Variants in DZANK1 observed in about 807,000 individuals in gnomAD.
DZANK1 encodes double zinc ribbon and ankyrin repeat domains 1.
DZANK1 carries 91 observed loss-of-function variants against 94.5 expected under a neutral mutation model. That is an observed-to-expected ratio of 0.96 (90% CI 0.81 to 1.15). DZANK1 has a LOEUF of 1.15. Ranked by LOEUF, DZANK1 falls within the 50% of genes most tolerant of loss-of-function variation. DZANK1 has a pLI of 0.00. For missense variants in DZANK1, 903 were observed against 916.4 expected (o/e 0.99, Z 0.19); for synonymous variants, 312 against 325.3 (o/e 0.96, Z 0.44).
At chr20:18,414,667 G>A (rs1390864041) in intron 11 of DZANK1, among the ~76,000 whole-genome samples, 155 bp from the exon 12 acceptor site, 1 of 152,192 alleles carries the variant, frequency 6.6e-6, no homozygotes, top group African/African-American at 2.4e-5. Context: ...ACAGAAAGAA[G>A]TGTACTCCAG....
rs558821450 is a variant in DZANK1, at chr20:18,445,098, C to T, written c.630-1634G>A. Among the ~76,000 whole-genome samples, 326 of 152,144 alleles carry T rather than the reference C, an allele frequency of 2.1e-3. 2 individuals are homozygous for T. Among genetic ancestry groups the T allele is most frequent in the African/African-American group, 7.3e-3 (304 of 41,490 alleles). On this transcript the variant is annotated intron_variant, in intron 7 of 20. Transcript: ENST00000262547. Reference sequence around the variant, plus strand: ...CTGGGATTACAGGCGTGAGCCACCGCGCCCGGCCAGAAACCAACTTTAAAT... The same window carrying T: ...CTGGGATTACAGGCGTGAGCCACCGTGCCCGGCCAGAAACCAACTTTAAAT...
At chr20:18,398,774 C>T (rs753628898) in intron 13 of DZANK1, 148 bp from the exon 14 acceptor site, 28 of 705,712 alleles carry the variant, frequency 4.0e-5, no homozygotes, top group Non-Finnish European at 6.0e-5. Context: ...CAACTATGCT[C>T]TGGAACAAGT....
At chr20:18,448,164 A>G (rs2058953491) in intron 7 of DZANK1, among the ~76,000 whole-genome samples, 1 of 152,232 alleles carries the variant, frequency 6.6e-6, no homozygotes, top group Non-Finnish European at 1.5e-5. Flanking sequence ...ATGGATAAAC[A>G]AACTGTGGTA....
chr20:18,398,630 A>C lies in DZANK1; in HGVS notation c.1433-4T>G. On this transcript the variant is annotated splice_polypyrimidine_tract_variant and splice_region_variant and intron_variant, in intron 13 of 20. Transcript: ENST00000262547. ...TCCAGCTGTCTTCTCCAGTACCCTAAGAAAGAAGAGAAACCCCGCCATCTG... is the reference window on the plus strand; with the variant it reads ...TCCAGCTGTCTTCTCCAGTACCCTACGAAAGAAGAGAAACCCCGCCATCTG... The C allele has an allele frequency of 1.2e-6, 2 of 1,612,984 alleles. No individual in the cohort carries two copies. The highest frequency in any genetic ancestry group is 1.7e-6 in the Non-Finnish European group (2 of 1,178,968).
chr20:18,433,771 C>G lies in DZANK1; in HGVS notation c.748-6G>C. 1.9e-6 allele frequency: 3 copies of G among 1,612,480 alleles called. No homozygotes were observed. Among genetic ancestry groups the G allele is most frequent in the Non-Finnish European group, 1.7e-6 (2 of 1,178,660 alleles). On this transcript the variant is annotated splice_region_variant and splice_polypyrimidine_tract_variant and intron_variant, in intron 8 of 20. Coordinates refer to ENST00000262547, the Ensembl canonical transcript of DZANK1. ...CATTCTGCACACAAGCCCATCTGCA[C>G]AAGGAAAAGGTCTGGTTTATCTTGC...
At chr20:18,451,899 T>C (rs200927912) in intron 6 of DZANK1, 66 of 518,770 alleles carry the variant, frequency 1.3e-4, no homozygotes, top group Non-Finnish European at 2.2e-4. Flanking sequence ...TCCTCTTCCA[T>C]GGTCTAATCT....
intron 10 of DZANK1, among the ~76,000 whole-genome samples, chr20:18,418,460 A>G (rs1249618462): frequency 6.6e-6 from 1 of 152,214 alleles, no homozygotes; most frequent in Admixed American, 6.5e-5. Context: ...ATCTGAATGG[A>G]GACCAAACTT....
At chr20:18,400,625 G>A (rs542123685) in intron 13 of DZANK1, among the ~76,000 whole-genome samples, 1 of 152,348 alleles carries the variant, frequency 6.6e-6, no homozygotes, top group African/African-American at 2.4e-5. Context: ...CAGCTGCACT[G>A]AAAACAAGCA....
chr20:18,402,538 C>T (rs2056741790), intron 13 of DZANK1, among the ~76,000 whole-genome samples: 1 of 152,100 alleles, frequency 6.6e-6, no homozygotes, highest in Non-Finnish European at 1.5e-5. Context: ...AACATGGGGA[C>T]AGCCCACCAA....
chr20:18,455,462 C>G, intron 3 of DZANK1, 101 bp from the exon 4 acceptor site: 1 of 749,088 alleles, frequency 1.3e-6, no homozygotes. Context: ...AGTCTAGCTA[C>G]TAAATTTATT....
At chr20:18,426,241 A>T (rs2058038811) in intron 10 of DZANK1, among the ~76,000 whole-genome samples, 1 of 152,138 alleles carries the variant, frequency 6.6e-6, no homozygotes, top group Non-Finnish European at 1.5e-5. Flanking sequence ...CGTTCCTTAT[A>T]AGAATCTAAC....
At chr20:18,447,652 A>G (rs1308683826) in intron 7 of DZANK1, among the ~76,000 whole-genome samples, 1 of 152,070 alleles carries the variant, frequency 6.6e-6, no homozygotes, top group African/African-American at 2.4e-5. Flanking sequence ...TTAAAGGCCA[A>G]AAGTTTGAAA....
At chr20:18,453,665 A>G in intron 5 of DZANK1, 66 bp downstream of exon 5, 1 of 1,115,054 alleles carries the variant, frequency 9.0e-7, no homozygotes, top group South Asian at 1.3e-5. Flanking sequence ...CATGCAACGA[A>G]CATGCCATGA....
chr20:18,396,785 C>T (rs1159176007), intron 14 of DZANK1, among the ~76,000 whole-genome samples: 1 of 152,222 alleles, frequency 6.6e-6, no homozygotes, highest in Non-Finnish European at 1.5e-5. Context: ...TATAAATAAA[C>T]TACTCTAAAG....
At chr20:18,388,697 A>G (rs565474084) in intron 19 of DZANK1, among the ~76,000 whole-genome samples, 4 of 152,250 alleles carry the variant, frequency 2.6e-5, no homozygotes, top group African/African-American at 9.6e-5. Flanking sequence ...AATTCCAAGC[A>G]TCGAAGCTTT....
intron 14 of DZANK1, chr20:18,398,294 A>C (rs539885385): frequency 4.1e-5 from 21 of 512,798 alleles, no homozygotes; most frequent in African/African-American, 3.8e-4. Flanking sequence ...AGATGTTCAG[A>C]ATTTTATTGT....
intron 10 of DZANK1, among the ~76,000 whole-genome samples, chr20:18,419,198 G>C (rs1045897968): frequency 1.3e-5 from 2 of 150,464 alleles, no homozygotes; most frequent in African/African-American, 4.9e-5. Context: ...GGAGGCGGAG[G>C]TTGCAGTGAG....
At chr20:18,465,911 A>C (rs1255401175) in intron 1 of DZANK1, among the ~76,000 whole-genome samples, 1 of 152,252 alleles carries the variant, frequency 6.6e-6, no homozygotes, top group South Asian at 2.1e-4. Flanking sequence ...AAGACACTTT[A>C]GAAGGACTGC....
At chr20:18,453,605 A>G in intron 5 of DZANK1, 126 bp downstream of exon 5, 1 of 676,994 alleles carries the variant, frequency 1.5e-6, no homozygotes, top group East Asian at 2.6e-5. Context: ...AGTACAGCAT[A>G]CTTTCCTGCC....
Sources: allele counts gnomAD v4.1 joint callset (sites outside exome capture counted in the v4.1 genomes callset), GRCh38; gene constraint gnomAD v4.1.1; transcripts MANE v1.5; gene names NCBI Gene and HGNC (gene_info 2026-07-23, HGNC 2026-07-21).